The following ZNF316 variants were observed in gnomAD, a reference collection of about 807,000 sequenced individuals.
ZNF316 encodes the protein zinc finger protein 316.
In ZNF316, 23 loss-of-function variants were observed where a neutral mutation model predicts 75.6. That is an observed-to-expected ratio of 0.30 (90% confidence interval 0.22 to 0.43). ZNF316 has a LOEUF of 0.43. Ranked by LOEUF, ZNF316 falls within the 20% of genes least tolerant of loss-of-function variation. ZNF316 has a pLI of 1.00. For missense variants in ZNF316, 1,266 were observed against 1,409.4 expected, an observed-to-expected ratio of 0.90 and a Z score of 1.63; for synonymous variants, 827 against 666.2, an observed-to-expected ratio of 1.24 and a Z score of -3.72.
rs932182611 is a variant in ZNF316 at position 6,653,437 on chromosome 7, C to T, written c.1841C>T (p.Pro614Leu). 4.4e-5 allele frequency: 54 copies of T among 1,227,946 alleles called. No homozygotes were observed. Among genetic ancestry groups the T allele is most frequent in the Non-Finnish European group, 5.4e-5 (53 of 985,888 alleles). The allele number at this position is 1,227,946 out of a possible 1,614,324, so 76.1% of individuals were successfully genotyped here. Residue 614 changes from proline to leucine, a missense_variant, in exon 9 of 9, where the codon CCG becomes CTG. Coordinates refer to ENST00000382252, the MANE Select transcript of ZNF316 (RefSeq NM_001278559.2). ...TCCTGGCTGCACCCGGACAGCTTCCCGATCCTGGGCCTACCCGACTTCCGA... is the reference window on the plus strand; with the variant it reads ...TCCTGGCTGCACCCGGACAGCTTCCTGATCCTGGGCCTACCCGACTTCCGA... ...PKSWLHPDSF[P>L]ILGLPDFRER...
intron 8 of ZNF316, among the ~76,000 whole-genome samples, chr7:6,648,015 C>T (rs900397031): frequency 5.9e-5 from 9 of 152,182 alleles, no homozygotes; most frequent in African/African-American, 1.9e-4. Context: ...CCTGGGATCA[C>T]CACTGCCTCC....
Position 6,653,382 on chromosome 7 carries a change from C to G in ZNF316, c.1786C>G (p.Leu596Val). 1.6e-6 allele frequency: 2 copies of G among 1,226,752 alleles called. No homozygotes were observed. Among genetic ancestry groups the G allele is most frequent in the Non-Finnish European group, 2.0e-6 (2 of 985,216 alleles). 76.0% of individuals were successfully genotyped at this position (1,226,752 alleles called of 1,614,324 possible). The change falls in exon 9 of 9, where the codon CTG (leucine) becomes GTG (valine). Residue 596 changes from leucine (L) to valine (V), a missense_variant. Leu to Val is a conservative substitution (Grantham distance 32). Coordinates refer to ENST00000382252, the MANE Select transcript of ZNF316 (RefSeq NM_001278559.2). The part of the protein sequence containing the change: ...GEGEGPSSHP[L>V]GFHFPVHPKS... The stretch of plus-strand genomic sequence containing the variant: ...GGGCGAAGGCCCCTCCTCCCACCCG[C>G]TGGGCTTCCACTTCCCCGTGCACCC...
chr7:6,653,807 C>T lies in ZNF316; in HGVS notation c.2211C>T (p.His737=), dbSNP rs6979882. 303,207 of 1,084,572 alleles carry T rather than the reference C, an allele frequency of 0.28. 45,300 individuals carry two copies. Among genetic ancestry groups the T allele is most frequent in the East Asian group, 0.67 (12,495 of 18,536 alleles). The allele number at this position is 1,084,572 out of a possible 1,614,324, so 67.2% of individuals were successfully genotyped here. ...SFVYGSHLAR[H]RRTHTGERPF... ...TGTACGGCTCGCACCTGGCGCGCCACCGGCGCACACACACCGGCGAGCGGC... is the reference window on the plus strand; with the variant it reads ...TGTACGGCTCGCACCTGGCGCGCCATCGGCGCACACACACCGGCGAGCGGC... Residue 737 remains histidine (H), a synonymous_variant, in exon 9 of 9, where the codon CAC becomes CAT. Transcript: ENST00000382252.
At position 6,654,728 on chromosome 7, in the gene ZNF316, C is replaced by G; in HGVS notation, c.*117C>G. The stretch of plus-strand genomic sequence containing the variant: ...AGGGTCCCAGTCCTGGGTGCGGTGC[C>G]TTCCCTCAGCCCTCGCCCTGCGGCC... On this transcript the variant is annotated 3_prime_UTR_variant, in exon 9 of 9. Transcript: ENST00000382252. 1.1e-6 allele frequency: 1 copy of G among 919,356 alleles called. No individual in the cohort carries two copies. Among genetic ancestry groups the G allele is most frequent in the Non-Finnish European group, 1.4e-6 (1 of 731,816 alleles). 56.9% of individuals were successfully genotyped at this position (919,356 alleles called of 1,614,324 possible). A position where few individuals can be genotyped will look rare whatever the true frequency, so the allele number is the denominator to read the frequency against.
At chr7:6,648,397 G>A (rs1263129467) in intron 8 of ZNF316, among the ~76,000 whole-genome samples, 2 of 152,200 alleles carry the variant, frequency 1.3e-5, no homozygotes, top group Non-Finnish European at 2.9e-5. Context: ...TGACATTTGG[G>A]GGACAACTTG....
chr7:6,653,702 C>T lies in ZNF316; in HGVS notation c.2106C>T (p.Arg702=). ...CGGACTGCGGCAAGACGTTTGGGCGCCGGGCCGCGCTGGCCAAGCACCAGC... is the reference window on the plus strand; with the variant it reads ...CGGACTGCGGCAAGACGTTTGGGCGTCGGGCCGCGCTGGCCAAGCACCAGC... ...ICSDCGKTFG[R]RAALAKHQRY... The change falls in exon 9 of 9, where the codon CGC becomes CGT. Residue 702 remains arginine (R), a synonymous_variant. Transcript: ENST00000382252. 1 of 1,092,790 alleles carries T rather than the reference C, an allele frequency of 9.2e-7. No homozygotes were observed. The highest frequency in any genetic ancestry group is 4.3e-5 in the South Asian group (1 of 23,086). The allele number at this position is 1,092,790 out of a possible 1,614,324, so 67.7% of individuals were successfully genotyped here.
chr7:6,648,443 G>GA (rs1370340449), intron 8 of ZNF316, among the ~76,000 whole-genome samples: 7 of 152,190 alleles, frequency 4.6e-5, no homozygotes, highest in Non-Finnish European at 7.4e-5. Flanking sequence ...ATGGACAGCA[G>GA]GGGGCCTTGG....
At position 6,656,019 on chromosome 7, in the gene ZNF316, C is replaced by T. The variant is rs1779620016; in HGVS notation, c.*1408C>T. ...CATTCCCTAATAGACCTAGTTCCCT[C>T]CACGTTAGTGTAGACATGGCCTTGG... On this transcript the variant is annotated 3_prime_UTR_variant, in exon 9 of 9. Coordinates refer to ENST00000382252, the MANE Select transcript of ZNF316 (RefSeq NM_001278559.2). The T allele has an allele frequency of 6.6e-6, 1 of 152,282 alleles. No individual in the cohort carries two copies. The highest frequency in any genetic ancestry group is 2.1e-4 in the South Asian group (1 of 4,832). The allele number at this position is 152,282 out of a possible 1,614,324, so 9.4% of individuals were successfully genotyped here.
At chr7:6,648,739 T>TGTA (rs1779453780) in intron 8 of ZNF316, among the ~76,000 whole-genome samples, 1 of 152,112 alleles carries the variant, frequency 6.6e-6, no homozygotes, top group Non-Finnish European at 1.5e-5. Flanking sequence ...GGAGAGAAGG[T>TGTA]GTAGCATCCC....
chr7:6,655,265 C>G lies in ZNF316; in HGVS notation c.*654C>G, dbSNP rs1453866330. On this transcript the variant is annotated 3_prime_UTR_variant, in exon 9 of 9. Transcript: ENST00000382252. ...CTGAAGAATCTAGGAGGAGAAAAAG[C>G]CAGATACCAAACTTACGGCCAGGCA... 2 of 151,906 alleles carry G rather than the reference C, an allele frequency of 1.3e-5. No homozygotes were observed. The highest frequency in any genetic ancestry group is 4.8e-5 in the African/African-American group (2 of 41,408). The allele number at this position is 151,906 out of a possible 1,614,324, so 9.4% of individuals were successfully genotyped here. A position where few individuals can be genotyped will look rare whatever the true frequency, so the allele number is the denominator to read the frequency against.
chr7:6,652,952 C>T lies in ZNF316; in HGVS notation c.1356C>T (p.Thr452=), dbSNP rs1290754098. ...SYLVTHQRTH[T]GERPYPCSHC... ...TGGTCACGCACCAGCGCACGCACAC[C>T]GGCGAGCGACCCTACCCGTGTTCGC... The change falls in exon 9 of 9, where the codon ACC becomes ACT. Residue 452 remains threonine, a synonymous_variant. Coordinates refer to ENST00000382252, the MANE Select transcript of ZNF316 (RefSeq NM_001278559.2). 2.4e-6 allele frequency: 3 copies of T among 1,242,822 alleles called. No homozygotes were observed. Among genetic ancestry groups the T allele is most frequent in the Non-Finnish European group, 3.0e-6 (3 of 992,936 alleles). The allele number at this position is 1,242,822 out of a possible 1,614,324, so 77.0% of individuals were successfully genotyped here. A position where few individuals can be genotyped will look rare whatever the true frequency, so the allele number is the denominator to read the frequency against.
intron 8 of ZNF316, among the ~76,000 whole-genome samples, chr7:6,648,957 G>T (rs930617740): frequency 2.6e-5 from 4 of 152,200 alleles, no homozygotes; most frequent in Non-Finnish European, 2.9e-5. Flanking sequence ...GATCGTTCCT[G>T]TGACAGCCCC....
At position 6,653,036 on chromosome 7, in the gene ZNF316, G is replaced by A; in HGVS notation, c.1440G>A (p.Thr480=). Residue 480 remains threonine, a synonymous_variant, in exon 9 of 9, where the codon ACG becomes ACA. Transcript: ENST00000382252. ...TGGCACGGCACCAGGCGGTGCACAC[G>A]GCCGACCGCCCGCACTGCTGTCCCG... ...SALARHQAVH[T]ADRPHCCPDC... is the part of the protein sequence containing the mutation. 8.2e-7 allele frequency: 1 copy of A among 1,220,932 alleles called. No homozygotes were observed. The highest frequency in any genetic ancestry group is 4.1e-5 in the South Asian group (1 of 24,414). The allele number at this position is 1,220,932 out of a possible 1,614,324, so 75.6% of individuals were successfully genotyped here.
At position 6,642,855 on chromosome 7, in the gene ZNF316, C is replaced by G; in HGVS notation, c.355+91C>G. 2.4e-6 allele frequency: 3 copies of G among 1,229,100 alleles called. No individual in the cohort carries two copies. Among genetic ancestry groups the G allele is most frequent in the Non-Finnish European group, 3.0e-6 (3 of 985,374 alleles). The allele number at this position is 1,229,100 out of a possible 1,614,324, so 76.1% of individuals were successfully genotyped here. A position where few individuals can be genotyped will look rare whatever the true frequency, so the allele number is the denominator to read the frequency against. On this transcript the variant is annotated intron_variant, in intron 5 of 8. Coordinates refer to ENST00000382252, the MANE Select transcript of ZNF316 (RefSeq NM_001278559.2). This position sits in a 1 kb window ranked among gnomAD's most constrained non-coding sequence, Gnocchi z 8.1. ...GGTCAAGCCAGGAGGGCTCTTGGGC[C>G]GACAGGGTGGAGCTGAAACCCAGCT...
intron 8 of ZNF316, among the ~76,000 whole-genome samples, chr7:6,647,588 G>A (rs1324703238): frequency 3.3e-5 from 5 of 152,222 alleles, no homozygotes; most frequent in East Asian, 1.9e-4. Flanking sequence ...CACAGCCTGC[G>A]CTCCAGGCCA....
rs1451019578 is a variant in ZNF316, at chr7:6,653,861, G to C, written c.2265G>C (p.Arg755=). 9.3e-7 allele frequency: 1 copy of C among 1,077,044 alleles called. No homozygotes were observed. Among genetic ancestry groups the C allele is most frequent in the Non-Finnish European group, 1.1e-6 (1 of 889,684 alleles). The allele number at this position is 1,077,044 out of a possible 1,614,324, so 66.7% of individuals were successfully genotyped here. A position where few individuals can be genotyped will look rare whatever the true frequency, so the allele number is the denominator to read the frequency against. The change falls in exon 9 of 9, where the codon CGG becomes CGC. Residue 755 remains arginine, a synonymous_variant. Transcript: ENST00000382252. ...RPFPCPECGA[R]FARGSHLAAH... is the part of the protein sequence containing the mutation. ...TCCCGTGCCCCGAGTGCGGCGCGCG[G>C]TTCGCCCGCGGCTCGCACTTGGCGG...
In ZNF316 at chr7:6,651,813, C is replaced by G. The variant is rs185659227; in HGVS notation, c.707-490C>G. ...CTGACAAAGGCAGGTCTTCTGTGGA[C>G]AGGGCCGCCGGCTGCGCTGTCTTCC... On this transcript the variant is annotated intron_variant, in intron 8 of 8. Transcript: ENST00000382252. 3.3e-5 allele frequency among the ~76,000 whole-genome samples: 5 copies of G among 152,352 alleles called. No homozygotes were observed. In the East Asian group the frequency reaches 9.6e-4, roughly 29 times the overall value.
chr7:6,646,017 A>T (rs542752205), intron 8 of ZNF316, among the ~76,000 whole-genome samples: 1 of 139,694 alleles, frequency 7.2e-6, no homozygotes, highest in Non-Finnish European at 1.6e-5. Flanking sequence ...AAAAAAAATC[A>T]GATCTCGTGA....
chr7:6,639,791 T>C lies in ZNF316; in HGVS notation c.-167+650T>C, dbSNP rs556390387. Reference sequence around the variant, plus strand: ...CAAGTGGGTGGCAGTTGGGAAACCGTTGCTGCGTGTACCCAGCGCCCTGAG... The same window carrying C: ...CAAGTGGGTGGCAGTTGGGAAACCGCTGCTGCGTGTACCCAGCGCCCTGAG... On this transcript the variant is annotated intron_variant, in intron 3 of 8. Transcript: ENST00000382252. This position sits in a 1 kb window ranked among gnomAD's most constrained non-coding sequence, Gnocchi z 4.2. Among the ~76,000 whole-genome samples the C allele has an allele frequency of 2.0e-5, 3 of 152,290 alleles. No homozygotes were observed. The highest frequency in any genetic ancestry group is 2.1e-4 in the South Asian group (1 of 4,834).
Sources: allele counts gnomAD v4.1 joint callset (sites outside exome capture counted in the v4.1 genomes callset), GRCh38; gene constraint gnomAD v4.1.1; non-coding constraint Gnocchi (gnomAD v3.1); transcripts MANE v1.5; gene names NCBI Gene and HGNC (gene_info 2026-07-23, HGNC 2026-07-21).